Variants in ARHGAP15 observed in about 807,000 individuals in gnomAD.
ARHGAP15 encodes Rho GTPase activating protein 15.
Under a neutral mutation model 63.7 loss-of-function variants are expected in ARHGAP15, and 51 were observed. The ratio of observed to expected loss-of-function variants is 0.80; its 90% CI spans 0.64 to 1.01. The LOEUF (loss-of-function observed/expected upper bound fraction) is 1.01. Ranked by LOEUF, ARHGAP15 falls within the 50% of genes least tolerant of loss-of-function variation. ARHGAP15 has a pLI of 0.00. For missense variants in ARHGAP15, 560 were observed against 564.6 expected (o/e 0.99, Z 0.08); for synonymous variants, 191 against 193.8 (o/e 0.99, Z 0.12).
intron 6 of ARHGAP15, among the ~76,000 whole-genome samples, chr2:143,413,545 C>T (rs944683523): frequency 2.6e-5 from 4 of 152,110 alleles, no homozygotes; most frequent in South Asian, 2.1e-4. Context: ...AATAGCTCAC[C>T]GTAATCTTGT....
chr2:143,479,238 AACTTG>A (rs1269134492), intron 8 of ARHGAP15, among the ~76,000 whole-genome samples: 2 of 152,238 alleles, frequency 1.3e-5, no homozygotes, highest in East Asian at 1.9e-4. Context: ...TTTATTCTCC[AACTTG>A]ACTTACTTTT....
rs555663709 is a variant in ARHGAP15 at position 143,140,154 on chromosome 2, T to C, written c.-15+10688T>C. On this transcript the variant is annotated intron_variant, in intron 1 of 13. Coordinates refer to ENST00000295095, the MANE Select transcript of ARHGAP15 (RefSeq NM_018460.4). Reference sequence around the variant, plus strand: ...TTTTGGTTTATTTCAATTCTAAGTATTATGATAAAATTATGAAACTCATCA... The same window carrying C: ...TTTTGGTTTATTTCAATTCTAAGTACTATGATAAAATTATGAAACTCATCA... Among the ~76,000 whole-genome samples, 15 of 152,242 alleles carry C rather than the reference T, an allele frequency of 9.9e-5. No individual in the cohort carries two copies. In the South Asian group the frequency reaches 3.1e-3, roughly 32 times the overall value.
chr2:143,267,242 G>A (rs71423264), intron 6 of ARHGAP15, among the ~76,000 whole-genome samples: 18,777 of 152,144 alleles, frequency 0.12, 1,318 homozygotes, highest in Middle Eastern at 0.25. Context: ...AGTTGTTGTT[G>A]CTGTTGTTTA....
chr2:143,756,571 T>G (rs188532771), intron 13 of ARHGAP15, among the ~76,000 whole-genome samples: 1 of 152,248 alleles, frequency 6.6e-6, no homozygotes, highest in East Asian at 1.9e-4. Context: ...GAATAAAGAT[T>G]AAGAATTCTT....
intron 11 of ARHGAP15, among the ~76,000 whole-genome samples, chr2:143,623,540 A>G (rs1698724238): frequency 6.6e-6 from 1 of 152,226 alleles, no homozygotes; most frequent in Non-Finnish European, 1.5e-5. Flanking sequence ...GAACTAAAAA[A>G]AAAAGATTTT....
intron 6 of ARHGAP15, among the ~76,000 whole-genome samples, chr2:143,404,358 A>C (rs1170210333): frequency 6.6e-6 from 1 of 151,980 alleles, no homozygotes; most frequent in Non-Finnish European, 1.5e-5. Context: ...GTATTGAAGA[A>C]GTAAAATTTG....
At chr2:143,726,895 T>G (rs1574897560) in intron 13 of ARHGAP15, among the ~76,000 whole-genome samples, 1 of 152,194 alleles carries the variant, frequency 6.6e-6, no homozygotes, top group African/African-American at 2.4e-5. Context: ...TAAAGGGCCT[T>G]AACTGCAGCC....
At chr2:143,348,237 C>T (rs1685387106) in intron 6 of ARHGAP15, among the ~76,000 whole-genome samples, 2 of 152,074 alleles carry the variant, frequency 1.3e-5, no homozygotes, top group Admixed American at 1.3e-4. Context: ...ACAATTACTG[C>T]GTGTGTGTTT....
intron 6 of ARHGAP15, among the ~76,000 whole-genome samples, chr2:143,344,699 TCA>T (rs1022678751): frequency 1.3e-5 from 2 of 152,112 alleles, no homozygotes; most frequent in African/African-American, 4.8e-5. Flanking sequence ...GAACACTGTA[TCA>T]CATTTATTCA....
At chr2:143,741,356 G>C (rs1168191262) in intron 13 of ARHGAP15, 1 of 152,058 alleles carries the variant, frequency 6.6e-6, no homozygotes, top group African/African-American at 2.4e-5. Context: ...CAAAAACTTG[G>C]CTTGATCTTC....
intron 8 of ARHGAP15, among the ~76,000 whole-genome samples, chr2:143,457,190 G>C (rs1290341715): frequency 1.3e-5 from 2 of 151,980 alleles, no homozygotes; most frequent in African/African-American, 4.8e-5. Context: ...ATCTGCATAT[G>C]TACAAATGAG....
intron 6 of ARHGAP15, among the ~76,000 whole-genome samples, chr2:143,431,265 T>C (rs1215286331): frequency 1.3e-5 from 2 of 152,066 alleles, no homozygotes; most frequent in Non-Finnish European, 2.9e-5. Context: ...TGAGAACTAG[T>C]GAACTAGAAA....
At chr2:143,353,545 T>G (rs1685669084) in intron 6 of ARHGAP15, among the ~76,000 whole-genome samples, 1 of 152,140 alleles carries the variant, frequency 6.6e-6, no homozygotes, top group Non-Finnish European at 1.5e-5. Context: ...TTTTAGAATC[T>G]CAAAATTTTT....
At chr2:143,480,473 C>G (rs1218324526) in intron 8 of ARHGAP15, among the ~76,000 whole-genome samples, 2 of 152,138 alleles carry the variant, frequency 1.3e-5, no homozygotes, top group African/African-American at 4.8e-5. Context: ...ATCTAATTGT[C>G]TATTTTGTAT....
rs577452155 is a variant in ARHGAP15, at chr2:143,379,357, A to ATGTG, written c.475-56236_475-56233dup. ...GTTTTTTAGGCATATATATATATATATGTGTGTGTGTATACATTTGCCTGT... is the reference window on the plus strand; with the variant it reads ...GTTTTTTAGGCATATATATATATATATGTGTGTGTGTGTGTATACATTTGCCTGT... On this transcript the variant is annotated intron_variant, in intron 6 of 13. Transcript: ENST00000295095. Among the ~76,000 whole-genome samples, 41 of 151,634 alleles carry ATGTG rather than the reference A, an allele frequency of 2.7e-4. 1 individual carries two copies. In the South Asian group the frequency reaches 8.4e-3, roughly 31 times the overall value.
chr2:143,554,969 G>T (rs1177234818), intron 10 of ARHGAP15, among the ~76,000 whole-genome samples: 1 of 152,144 alleles, frequency 6.6e-6, no homozygotes, highest in African/African-American at 2.4e-5. Context: ...CTCAGGAAGA[G>T]ACAGAGTCTC....
At chr2:143,606,244 TGA>T (rs971368031) in intron 11 of ARHGAP15, among the ~76,000 whole-genome samples, 4 of 152,162 alleles carry the variant, frequency 2.6e-5, no homozygotes, top group African/African-American at 9.7e-5. Flanking sequence ...AAGGAGTATT[TGA>T]CTCAAAGCCT....
At chr2:143,253,729 G>T (rs978516886) in intron 6 of ARHGAP15, among the ~76,000 whole-genome samples, 1 of 147,722 alleles carries the variant, frequency 6.8e-6, no homozygotes, top group Admixed American at 7.0e-5. Context: ...GAATATACAT[G>T]TATAAAATAT....
At chr2:143,488,364 A>G (rs1692421336) in intron 9 of ARHGAP15, among the ~76,000 whole-genome samples, 1 of 152,256 alleles carries the variant, frequency 6.6e-6, no homozygotes, top group African/African-American at 2.4e-5. Context: ...GAAAGGATGA[A>G]TGGATAGATA....
Sources: gnomAD v4.1 joint callset for allele counts (sites outside exome capture counted in the v4.1 genomes callset) on GRCh38, gnomAD v4.1.1 for gene constraint, MANE v1.5 for transcripts, NCBI Gene and HGNC (gene_info 2026-07-23, HGNC 2026-07-21) for gene names.